ARHGAP27: variants seen among roughly 807,000 people sequenced by gnomAD.
ARHGAP27 encodes Rho GTPase activating protein 27, also known as rho GTPase-activating protein 27.
A neutral mutation model predicts 102.0 loss-of-function variants in ARHGAP27; 53 were observed. The ratio of observed to expected loss-of-function variants is 0.52; its 90% CI spans 0.42 to 0.65. The LOEUF is 0.65. Ranked by LOEUF, ARHGAP27 falls within the 30% of genes least tolerant of loss-of-function variation. The pLI, the probability that ARHGAP27 is intolerant of heterozygous loss-of-function variation, is 0.00. For missense variants in ARHGAP27, 1,117 were observed against 1,256.2 expected, an observed-to-expected ratio of 0.89 and a Z score of 1.68; for synonymous variants, 525 against 542.8, an observed-to-expected ratio of 0.97 and a Z score of 0.46.
chr17:45,419,764 C>T (rs1597849812), intron 4 of ARHGAP27, among the ~76,000 whole-genome samples: 1 of 150,852 alleles, frequency 6.6e-6, no homozygotes, highest in East Asian at 1.9e-4. Flanking sequence ...GCTACTAGAA[C>T]TCAATAAGAA....
rs1285114643 is a variant in ARHGAP27, at chr17:45,396,681, C to G, written c.2061G>C (p.Lys687Asn). 3 of 1,613,800 alleles carry G rather than the reference C, an allele frequency of 1.9e-6. No individual in the cohort carries two copies. Residue 687 changes from lysine to asparagine, a missense_variant, in exon 15 of 20, where the codon AAG (lysine) becomes AAC (asparagine). Transcript: ENST00000685559. ...GGCCTCGGGTACCTTTGATGTAGCC[C>G]TTCTCCCGCAGCGACTGCAGTGTGG... ...RRPTLQSLREKGYIKDQVFGC... is the reference protein window; with the variant it reads ...RRPTLQSLRENGYIKDQVFGC...
rs1354654575 is a variant in ARHGAP27 at position 45,430,280 on chromosome 17, C to A, written c.-1G>T. 2 of 1,569,982 alleles carry A rather than the reference C, an allele frequency of 1.3e-6. No homozygotes were observed. Among genetic ancestry groups the A allele is most frequent in the Non-Finnish European group, 1.7e-6 (2 of 1,166,484 alleles). On this transcript the variant is annotated 5_prime_UTR_variant, in exon 4 of 20. Coordinates refer to ENST00000685559, the MANE Select transcript of ARHGAP27 (RefSeq NM_001282290.2). The surrounding 1 kb of genome is among the most constrained non-coding windows in gnomAD (Gnocchi z 4.4). ...CGTCCCCCACCACGTCCGCCGCCATCGCAGCCGCGGCGTTTTCCTGCGGGC... is the reference window on the plus strand; with the variant it reads ...CGTCCCCCACCACGTCCGCCGCCATAGCAGCCGCGGCGTTTTCCTGCGGGC...
At chr17:45,420,993 T>C (rs1457523807) in intron 4 of ARHGAP27, among the ~76,000 whole-genome samples, 1 of 144,318 alleles carries the variant, frequency 6.9e-6, no homozygotes, top group Non-Finnish European at 1.5e-5. Flanking sequence ...ACTTAAAATA[T>C]GTCATTGTAC....
rs559865802 is a variant in ARHGAP27 at position 45,404,419 on chromosome 17, C to T, written c.1413+26G>A. On this transcript the variant is annotated intron_variant, in intron 8 of 19. Transcript: ENST00000685559. Reference sequence around the variant, plus strand: ...CCCACTGCTTCTGTGGTGGTCCTGCCAGGACCTCAATGGCTCCTCCCCTAC... The same window carrying T: ...CCCACTGCTTCTGTGGTGGTCCTGCTAGGACCTCAATGGCTCCTCCCCTAC... The T allele has an allele frequency of 8.7e-6, 14 of 1,614,026 alleles. No individual in the cohort carries two copies. In the South Asian group the frequency reaches 1.3e-4, roughly 15 times the overall value.
Position 45,405,998 on chromosome 17 carries a change from G to C in ARHGAP27, c.743C>G (p.Pro248Arg). The change falls in exon 5 of 20, where the codon CCC becomes CGC. Residue 248 changes from proline to arginine, a missense_variant. Transcript: ENST00000685559. ...CGTGTGCGTCTCCCACACCGGGCTG[G>C]GAAGGGGGGCTGCAGCGGCGCCCGG... ...TSPGAAAAPLPSPVWETHTDA... is the reference protein window; with the variant it reads ...TSPGAAAAPLRSPVWETHTDA... 1 of 1,535,442 alleles carries C rather than the reference G, an allele frequency of 6.5e-7. No homozygotes were observed. Among genetic ancestry groups the C allele is most frequent in the Admixed American group, 2.0e-5 (1 of 50,950 alleles).
Position 45,410,364 on chromosome 17 carries a change from C to T in ARHGAP27, c.658-4281G>A, listed in dbSNP as rs573223917. The T allele has an allele frequency of 3.1e-5, 43 of 1,386,514 alleles. No individual in the cohort carries two copies. The African/African-American group carries it at 5.1e-4, about 16-fold the overall frequency. The allele number at this position is 1,386,514 out of a possible 1,614,324, so 85.9% of individuals were successfully genotyped here. A position where few individuals can be genotyped will look rare whatever the true frequency, so the allele number is the denominator to read the frequency against. Reference sequence around the variant, plus strand: ...AGAGCCCAGGGGCACTACCCCAGTGCTGGCACAGGGCAACAGGGAAACAAG... The same window carrying T: ...AGAGCCCAGGGGCACTACCCCAGTGTTGGCACAGGGCAACAGGGAAACAAG... On this transcript the variant is annotated intron_variant, in intron 4 of 19. Coordinates refer to ENST00000685559, the MANE Select transcript of ARHGAP27 (RefSeq NM_001282290.2).
Position 45,395,436 on chromosome 17 carries a change from C to A in ARHGAP27, c.*20G>T, listed in dbSNP as rs900760066. 2.6e-6 allele frequency: 4 copies of A among 1,545,492 alleles called. No individual in the cohort carries two copies. Among genetic ancestry groups the A allele is most frequent in the Non-Finnish European group, 2.6e-6 (3 of 1,142,750 alleles). The stretch of plus-strand genomic sequence containing the variant: ...TTGTGTGGCAGGACCGCGGCCGCCG[C>A]CCCAGTCACAGGCCAGCAGTCAGTG... On this transcript the variant is annotated 3_prime_UTR_variant, in exon 20 of 20. Coordinates refer to ENST00000685559, the MANE Select transcript of ARHGAP27 (RefSeq NM_001282290.2).
intron 4 of ARHGAP27, 104 bp from the exon 5 acceptor site, chr17:45,406,187 CTTTA>C: frequency 7.7e-7 from 1 of 1,299,914 alleles, no homozygotes; most frequent in Non-Finnish European, 1.0e-6. Context: ...TTTGTTTTCG[CTTTA>C]TTTTCTTTAA....
chr17:45,395,676 T>A, intron 19 of ARHGAP27, 43 bp from the exon 20 acceptor site: 1 of 1,569,320 alleles, frequency 6.4e-7, no homozygotes. Context: ...AACTGCGAAC[T>A]GCGGGGAGGC....
At position 45,404,022 on chromosome 17, in the gene ARHGAP27, C is replaced by A. The variant is rs770637963; in HGVS notation, c.1547+7G>T. 1.2e-6 allele frequency: 2 copies of A among 1,613,504 alleles called. No homozygotes were observed. Among genetic ancestry groups the A allele is most frequent in the East Asian group, 4.5e-5 (2 of 44,876 alleles). ...CTGCCCCGGCCTGAGTGTAGATGGG[C>A]TCTCACCGGAGCCGCTTTCCCTTGT... On this transcript the variant is annotated splice_region_variant and intron_variant, in intron 10 of 19. Transcript: ENST00000685559.
Position 45,412,962 on chromosome 17 carries a change from C to CTTTTTTTT in ARHGAP27, c.658-6887_658-6880dup, listed in dbSNP as rs36233058. Among the ~76,000 whole-genome samples, 8 of 41,142 alleles carry CTTTTTTTT rather than the reference C, an allele frequency of 1.9e-4. 3 individuals are homozygous for CTTTTTTTT. Among genetic ancestry groups the CTTTTTTTT allele is most frequent in the African/African-American group, 1.9e-4 (2 of 10,272 alleles). 27.0% of individuals were successfully genotyped at this position (41,142 alleles called of 152,430 possible). A position where few individuals can be genotyped will look rare whatever the true frequency, so the allele number is the denominator to read the frequency against. ...GTGTGGCACCACGGCTCAGTATAAT[C>CTTTTTTTT]TTTTTTTTTTTTTTTTTTTTTTTTT... On this transcript the variant is annotated intron_variant, in intron 4 of 19. Coordinates refer to ENST00000685559, the MANE Select transcript of ARHGAP27 (RefSeq NM_001282290.2).
intron 4 of ARHGAP27, among the ~76,000 whole-genome samples, chr17:45,416,455 TTCTCTC>T (rs954978962): frequency 1.3e-5 from 2 of 151,778 alleles, no homozygotes; most frequent in Non-Finnish European, 2.9e-5. Context: ...TTTTTCTCTT[TTCTCTC>T]TCTCTCTTTT....
chr17:45,420,030 G>A (rs2048878134), intron 4 of ARHGAP27, among the ~76,000 whole-genome samples: 1 of 152,124 alleles, frequency 6.6e-6, no homozygotes, highest in African/African-American at 2.4e-5. Context: ...ATTGGTATAT[G>A]CCTCATGGGA....
At chr17:45,413,249 G>C in intron 4 of ARHGAP27, among the ~76,000 whole-genome samples, 1 of 152,044 alleles carries the variant, frequency 6.6e-6, no homozygotes, top group East Asian at 1.9e-4. Flanking sequence ...AAAATGCTGG[G>C]ATTACAGGCA....
chr17:45,402,717 C>A lies in ARHGAP27; in HGVS notation c.1740G>T (p.Leu580=). The change falls in exon 12 of 20, where the codon CTG becomes CTT. Residue 580 remains leucine, a synonymous_variant. Transcript: ENST00000685559. ...PKDKSSRKNV[L]ELRSRDGSEY... ...TCTCCCCAACCCCGCCACTCACCTCCAGCACATTCTTCCTACTGGATTTGT... is the reference window on the plus strand; with the variant it reads ...TCTCCCCAACCCCGCCACTCACCTCAAGCACATTCTTCCTACTGGATTTGT... The A allele has an allele frequency of 6.2e-7, 1 of 1,610,944 alleles. No individual in the cohort carries two copies. Among genetic ancestry groups the A allele is most frequent in the Non-Finnish European group, 8.5e-7 (1 of 1,177,226 alleles).
intron 4 of ARHGAP27, among the ~76,000 whole-genome samples, chr17:45,419,845 G>T (rs1485757386): frequency 6.6e-6 from 1 of 151,784 alleles, no homozygotes; most frequent in Non-Finnish European, 1.5e-5. Flanking sequence ...AAAAAGGGGG[G>T]GAACAAACAG....
chr17:45,397,370 G>C, intron 13 of ARHGAP27: 1 of 1,062,130 alleles, frequency 9.4e-7, no homozygotes, highest in Non-Finnish European at 1.2e-6. Context: ...TCCCAGTTCT[G>C]AGCCTGCACC....
intron 4 of ARHGAP27, among the ~76,000 whole-genome samples, chr17:45,416,544 T>C (rs2048477728): frequency 6.6e-6 from 1 of 151,004 alleles, no homozygotes; most frequent in Non-Finnish European, 1.5e-5. Context: ...TAAGTAACTG[T>C]ATTCTTTTTT....
At chr17:45,406,942 G>A (rs980232084) in intron 4 of ARHGAP27, among the ~76,000 whole-genome samples, 9 of 152,310 alleles carry the variant, frequency 5.9e-5, no homozygotes, top group Admixed American at 2.6e-4. Flanking sequence ...GGAGAATGGA[G>A]GGGCAAAGAG....
Sources: gnomAD v4.1 joint callset for allele counts (sites outside exome capture counted in the v4.1 genomes callset) on GRCh38, gnomAD v4.1.1 for gene constraint, Gnocchi (gnomAD v3.1) non-coding constraint, MANE v1.5 for transcripts, NCBI Gene and HGNC (gene_info 2026-07-23, HGNC 2026-07-21) for gene names.